Variants in KALRN observed in about 807,000 individuals in gnomAD.
The protein encoded by KALRN is kalirin RhoGEF kinase.
KALRN carries 70 observed loss-of-function variants against 353.7 expected under a neutral mutation model. The ratio of observed to expected loss-of-function variants is 0.20; its 90% CI spans 0.16 to 0.24. The LOEUF is 0.24. Among genes scored for constraint, KALRN ranks in the 10% least tolerant of loss-of-function variants. The pLI, the probability that KALRN is intolerant of heterozygous loss-of-function variation, is 1.00. For missense variants in KALRN, 2,791 were observed against 3,756.7 expected, an observed-to-expected ratio of 0.74 and a Z score of 6.72; for synonymous variants, 1,391 against 1,434.8, an observed-to-expected ratio of 0.97 and a Z score of 0.69.
chr3:124,105,949 A>G (rs1476823177), intron 1 of KALRN, among the ~76,000 whole-genome samples: 2 of 152,212 alleles, frequency 1.3e-5, no homozygotes, highest in Non-Finnish European at 2.9e-5. Context: ...ATATTCATTG[A>G]GCACTGACAG....
intron 1 of KALRN, among the ~76,000 whole-genome samples, chr3:124,199,277 C>T (rs1014248457): frequency 6.6e-6 from 1 of 152,220 alleles, no homozygotes; most frequent in Non-Finnish European, 1.5e-5. Context: ...AGAGCCCATT[C>T]TCCTCAACTT....
intron 13 of KALRN, among the ~76,000 whole-genome samples, chr3:124,407,148 G>A (rs892666969): frequency 3.9e-5 from 6 of 151,940 alleles, no homozygotes; most frequent in Non-Finnish European, 8.8e-5. Context: ...TGAAGCCTTG[G>A]TTTCCTCATT....
intron 33 of KALRN, among the ~76,000 whole-genome samples, chr3:124,516,292 ACCTT>A (rs2066540473): frequency 6.6e-6 from 1 of 152,058 alleles, no homozygotes; most frequent in African/African-American, 2.4e-5. Flanking sequence ...AGTCACACAA[ACCTT>A]GGTTCAGATC....
At chr3:124,190,931 C>T (rs1026932269) in intron 1 of KALRN, among the ~76,000 whole-genome samples, 1 of 152,208 alleles carries the variant, frequency 6.6e-6, no homozygotes, top group Non-Finnish European at 1.5e-5. Context: ...TACCAATCAT[C>T]AGCCCCAGGT....
Position 124,468,343 on chromosome 3 carries a change from A to AG in KALRN, c.4031+5718dup, listed in dbSNP as rs537925841. Among the ~76,000 whole-genome samples, 822 of 152,052 alleles carry AG rather than the reference A, an allele frequency of 5.4e-3. 2 individuals carry two copies. Among genetic ancestry groups the AG allele is most frequent in the Middle Eastern group, 0.017 (5 of 294 alleles). On this transcript the variant is annotated intron_variant, in intron 25 of 59. Coordinates refer to ENST00000682506, the MANE Select transcript of KALRN (RefSeq NM_001388419.1). ...TGATTTTACAACCCCTTGAAACACA[A>AG]GGGGGGGGTTGATCCATGGCTGCAC...
Position 124,413,625 on chromosome 3 carries a change from A to G in KALRN, c.2502A>G (p.Gly834=), listed in dbSNP as rs769450730. ...NNMTFEVIQQ[G]QDLHQYITEV... ...TGACCTTTGAGGTTATCCAGCAGGG[A>G]CAGGATCTGCACCAGTACATCACGG... is the stretch of plus-strand genomic sequence containing the variant. The change falls in exon 14 of 60, where the codon GGA becomes GGG. Residue 834 remains glycine (G), a synonymous_variant. Coordinates refer to ENST00000682506, the MANE Select transcript of KALRN (RefSeq NM_001388419.1). 3.2e-5 allele frequency: 52 copies of G among 1,614,050 alleles called. No individual in the cohort carries two copies. The highest frequency in any genetic ancestry group is 4.3e-5 in the Non-Finnish European group (51 of 1,180,026).
At chr3:124,160,495 TGAAAA>T (rs2069747942) in intron 1 of KALRN, among the ~76,000 whole-genome samples, 1 of 151,790 alleles carries the variant, frequency 6.6e-6, no homozygotes, top group South Asian at 2.1e-4. Context: ...TTTATGTGAG[TGAAAA>T]GAGAAGAGAA....
rs114601945 is a variant in KALRN, at chr3:124,652,385, G to A, written c.5795+1447G>A. 7.4e-3 allele frequency among the ~76,000 whole-genome samples: 1,130 copies of A among 152,324 alleles called. 13 individuals carry two copies. Among genetic ancestry groups the A allele is most frequent in the African/African-American group, 0.024 (996 of 41,566 alleles). ...CCAAGAAGTTGGTAAATGGAATAGA[G>A]GTTGATAAATGCCATACCCAAAGGG... is the stretch of plus-strand genomic sequence containing the variant. On this transcript the variant is annotated intron_variant, in intron 38 of 59. Coordinates refer to ENST00000682506, the MANE Select transcript of KALRN (RefSeq NM_001388419.1).
intron 34 of KALRN, among the ~76,000 whole-genome samples, chr3:124,612,057 T>C (rs184955956): frequency 6.6e-6 from 1 of 152,276 alleles, no homozygotes; most frequent in East Asian, 1.9e-4. Flanking sequence ...GGAGTCTCGC[T>C]CTTGTAGCTC....
chr3:124,484,851 C>G (rs1195126142), intron 28 of KALRN, among the ~76,000 whole-genome samples: 2 of 152,206 alleles, frequency 1.3e-5, no homozygotes, highest in Non-Finnish European at 2.9e-5. Flanking sequence ...TGCCTGTAAT[C>G]CCAGCACTTT....
intron 4 of KALRN, among the ~76,000 whole-genome samples, chr3:124,265,055 T>C (rs1176176939): frequency 6.6e-6 from 1 of 152,150 alleles, no homozygotes; most frequent in East Asian, 1.9e-4. Context: ...TATTTTTGGG[T>C]ACATGTGACA....
In KALRN at chr3:124,182,995, A is replaced by G. The variant is rs557240414; in HGVS notation, c.74-44995A>G. Among the ~76,000 whole-genome samples the G allele has an allele frequency of 2.0e-4, 31 of 152,320 alleles. No individual in the cohort carries two copies. In the South Asian group the frequency reaches 6.4e-3, roughly 32 times the overall value. On this transcript the variant is annotated intron_variant, in intron 1 of 59. Coordinates refer to ENST00000682506, the MANE Select transcript of KALRN (RefSeq NM_001388419.1). ...ATATATATAGGGTGTTGTGAACTGA[A>G]TTGTGCCCTTCCCAAATTCATATGT...
At chr3:124,079,176 C>G (rs1427433214) in intron 1 of KALRN, among the ~76,000 whole-genome samples, 1 of 152,152 alleles carries the variant, frequency 6.6e-6, no homozygotes, top group African/African-American at 2.4e-5. Flanking sequence ...TGATCTGCAG[C>G]TGCAGAGGAA....
At chr3:124,315,908 A>G (rs1472713848) in intron 6 of KALRN, among the ~76,000 whole-genome samples, 2 of 152,174 alleles carry the variant, frequency 1.3e-5, no homozygotes, top group African/African-American at 4.8e-5. Context: ...ATAATCAGTG[A>G]CAGTGCCATT....
intron 34 of KALRN, among the ~76,000 whole-genome samples, chr3:124,624,060 G>A (rs1561452412): frequency 6.6e-6 from 1 of 152,182 alleles, no homozygotes; most frequent in East Asian, 1.9e-4. Context: ...GAAATAAACA[G>A]TTCATAAGTT....
intron 33 of KALRN, among the ~76,000 whole-genome samples, chr3:124,561,628 C>T (rs1195471184): frequency 1.3e-5 from 2 of 152,162 alleles, no homozygotes; most frequent in Non-Finnish European, 2.9e-5. Context: ...TGGACAAGTG[C>T]ACTAATATGG....
intron 1 of KALRN, among the ~76,000 whole-genome samples, chr3:124,144,835 T>C (rs940079247): frequency 6.6e-6 from 1 of 152,176 alleles, no homozygotes; most frequent in African/African-American, 2.4e-5. Flanking sequence ...TAGTTTGAGA[T>C]GGCACCCTGG....
intron 1 of KALRN, among the ~76,000 whole-genome samples, chr3:124,161,797 G>A (rs891841536): frequency 6.6e-6 from 1 of 152,202 alleles, no homozygotes; most frequent in Non-Finnish European, 1.5e-5. Context: ...TGTTTTTGAA[G>A]ATCAGAGCCA....
At chr3:124,707,856 T>C (rs2062710819) in intron 57 of KALRN, among the ~76,000 whole-genome samples, 1 of 152,092 alleles carries the variant, frequency 6.6e-6, no homozygotes, top group South Asian at 2.1e-4. Context: ...AAGAAGAAGA[T>C]CTCCTAATTC....
Sources: gnomAD v4.1 joint callset for allele counts (sites outside exome capture counted in the v4.1 genomes callset) on GRCh38, gnomAD v4.1.1 for gene constraint, MANE v1.5 for transcripts, NCBI Gene and HGNC (gene_info 2026-07-23, HGNC 2026-07-21) for gene names.